Variants in PDE8A observed in about 807,000 individuals in gnomAD.
PDE8A encodes the protein high affinity cAMP-specific and IBMX-insensitive 3',5'-cyclic phosphodiesterase 8A.
In PDE8A, 59 loss-of-function variants were observed where a neutral mutation model predicts 105.0. The observed-to-expected ratio is 0.56, with a 90% confidence interval of 0.46 to 0.70. The LOEUF is 0.70. Among genes scored for constraint, PDE8A ranks in the 30% least tolerant of loss-of-function variants. The pLI, the probability that PDE8A is intolerant of heterozygous loss-of-function variation, is 0.00. For synonymous variants in PDE8A, 355 were observed against 371.9 expected (o/e 0.95, Z 0.52); for missense variants, 1,014 against 1,045.9 (o/e 0.97, Z 0.42).
At chr15:85,035,502 G>A (rs564455570) in intron 1 of PDE8A, among the ~76,000 whole-genome samples, 2 of 152,164 alleles carry the variant, frequency 1.3e-5, no homozygotes, top group South Asian at 2.1e-4. Context: ...GAGCCACCGC[G>A]CCGGGCCCTG....
At chr15:85,116,931 A>G (rs2082105551) in intron 16 of PDE8A, among the ~76,000 whole-genome samples, 1 of 152,194 alleles carries the variant, frequency 6.6e-6, no homozygotes, top group Non-Finnish European at 1.5e-5. Flanking sequence ...TTTACATGCT[A>G]GTGACATTAC....
In PDE8A at chr15:85,116,161, C is replaced by A. The variant is rs2082094246; in HGVS notation, c.1535+42C>A. On this transcript the variant is annotated intron_variant, in intron 16 of 21. Transcript: ENST00000394553. ...CTCAGCAGCGGGAGAACTAGATTCC[C>A]AGGGCCTGTGTGAGGAGGCTACCTG... 4 of 1,606,558 alleles carry A rather than the reference C, an allele frequency of 2.5e-6. No individual in the cohort carries two copies. The African/African-American group carries it at 5.4e-5, about 21-fold the overall frequency.
At chr15:85,043,038 A>T (rs2080834540) in intron 1 of PDE8A, among the ~76,000 whole-genome samples, 1 of 152,180 alleles carries the variant, frequency 6.6e-6, no homozygotes, top group African/African-American at 2.4e-5. Flanking sequence ...TGCAGTCAGG[A>T]TGCTAGTAGT....
At chr15:85,090,055 G>T (rs769306493) in intron 7 of PDE8A, among the ~76,000 whole-genome samples, 3 of 152,216 alleles carry the variant, frequency 2.0e-5, no homozygotes, top group Non-Finnish European at 4.4e-5. Flanking sequence ...GGGCTCTCCA[G>T]TCTTTCACTT....
chr15:85,066,583 A>AC (rs2081229312), intron 2 of PDE8A, among the ~76,000 whole-genome samples: 4 of 116,942 alleles, frequency 3.4e-5, no homozygotes, highest in Admixed American at 2.8e-4. Flanking sequence ...ATCCCCCCAA[A>AC]ACACACACAC....
At chr15:85,106,407 C>T (rs1021610822) in intron 11 of PDE8A, among the ~76,000 whole-genome samples, 2 of 152,186 alleles carry the variant, frequency 1.3e-5, no homozygotes, top group Non-Finnish European at 2.9e-5. Flanking sequence ...GACTATACCT[C>T]ATTCATTTTC....
chr15:85,029,291 A>G (rs577531321), intron 1 of PDE8A, among the ~76,000 whole-genome samples: 1 of 151,854 alleles, frequency 6.6e-6, no homozygotes, highest in East Asian at 1.9e-4. Context: ...GTTAAAATAT[A>G]TTTTCTCAAT....
In PDE8A at chr15:85,098,974, TAAAA is replaced by T. The variant is rs776908902; in HGVS notation, c.941+939_941+942del. ...ACTGTCTCAAAAGGAAAAAAAAAAA[TAAAA>T]TATGAGAAAGGTTATGATACAATGT... On this transcript the variant is annotated intron_variant, in intron 9 of 21. Transcript: ENST00000394553. Among the ~76,000 whole-genome samples the T allele has an allele frequency of 4.7e-5, 7 of 150,396 alleles. No individual in the cohort carries two copies. The East Asian group carries it at 9.7e-4, about 21-fold the overall frequency.
upstream of PDE8A, among the ~76,000 whole-genome samples, chr15:84,981,760 C>G (rs867509741): frequency 6.6e-6 from 1 of 151,234 alleles, no homozygotes; most frequent in East Asian, 1.9e-4. Flanking sequence ...GGGGTCGTGC[C>G]GCAGCTCGGC....
intron 5 of PDE8A, among the ~76,000 whole-genome samples, chr15:85,078,886 T>C (rs2081421570): frequency 1.3e-5 from 2 of 152,236 alleles, no homozygotes; most frequent in South Asian, 4.1e-4. Flanking sequence ...ACTAATCATA[T>C]ATCTAGCCAA....
At chr15:85,083,802 G>T (rs890124208) in intron 6 of PDE8A, among the ~76,000 whole-genome samples, 158 bp downstream of exon 6, 1 of 152,200 alleles carries the variant, frequency 6.6e-6, no homozygotes, top group Non-Finnish European at 1.5e-5. Context: ...TCTGGAGTCT[G>T]CCTGGATGTC....
Position 84,982,120 on chromosome 15 carries a change from G to T in PDE8A, c.-43G>T. The stretch of plus-strand genomic sequence containing the variant: ...CGCCGGGTGGGCCGTTTGCTGACCG[G>T]ATCGCGGCTACCCGCCAGCGTGTCC... On this transcript the variant is annotated 5_prime_UTR_variant, in exon 1 of 22. Coordinates refer to ENST00000394553, the MANE Select transcript of PDE8A (RefSeq NM_002605.3). The T allele has an allele frequency of 3.2e-6, 4 of 1,237,206 alleles. No homozygotes were observed. The highest frequency in any genetic ancestry group is 4.1e-6 in the Non-Finnish European group (4 of 986,470). The allele number at this position is 1,237,206 out of a possible 1,614,324, so 76.6% of individuals were successfully genotyped here.
At chr15:85,093,265 G>A (rs990290967) in intron 8 of PDE8A, among the ~76,000 whole-genome samples, 1 of 152,190 alleles carries the variant, frequency 6.6e-6, no homozygotes, top group African/African-American at 2.4e-5. Context: ...TTTTTGGGGA[G>A]CATGGAAAAG....
At chr15:85,032,243 G>A (rs1245268214) in intron 1 of PDE8A, among the ~76,000 whole-genome samples, 1 of 152,168 alleles carries the variant, frequency 6.6e-6, no homozygotes, top group East Asian at 1.9e-4. Context: ...CATAGTAGAA[G>A]CTCACCTCTA....
At chr15:85,044,095 G>T (rs1411275515) in intron 1 of PDE8A, among the ~76,000 whole-genome samples, 2 of 152,142 alleles carry the variant, frequency 1.3e-5, no homozygotes, top group Non-Finnish European at 2.9e-5. Context: ...CATAGCAAAA[G>T]CTTCTTGGAA....
At chr15:85,038,103 T>C (rs1227802749) in intron 1 of PDE8A, among the ~76,000 whole-genome samples, 2 of 152,238 alleles carry the variant, frequency 1.3e-5, no homozygotes, top group East Asian at 3.8e-4. Context: ...TAAAAATTGT[T>C]GATGAGCTCA....
chr15:84,991,021 T>C (rs1260935437), intron 1 of PDE8A, among the ~76,000 whole-genome samples: 2 of 152,234 alleles, frequency 1.3e-5, no homozygotes, highest in Non-Finnish European at 2.9e-5. Flanking sequence ...TGTTGTTCAT[T>C]TACTGTATTG....
chr15:85,023,114 A>G (rs896414787), intron 1 of PDE8A, among the ~76,000 whole-genome samples: 1 of 152,186 alleles, frequency 6.6e-6, no homozygotes, highest in African/African-American at 2.4e-5. Context: ...TGAGTAGGCA[A>G]ACATTTGAAG....
intron 20 of PDE8A, among the ~76,000 whole-genome samples, chr15:85,130,858 C>A (rs966086024): frequency 2.0e-5 from 3 of 152,182 alleles, no homozygotes; most frequent in African/African-American, 7.2e-5. Context: ...CTCCCAGGTT[C>A]AAGCAATTCT....
Sources: gnomAD v4.1 joint callset for allele counts (sites outside exome capture counted in the v4.1 genomes callset) on GRCh38, gnomAD v4.1.1 for gene constraint, MANE v1.5 for transcripts, NCBI Gene and HGNC (gene_info 2026-07-23, HGNC 2026-07-21) for gene names.